CSMD1: variants seen among roughly 807,000 people sequenced by gnomAD.
CSMD1 encodes CUB and sushi domain-containing protein 1.
In CSMD1, 213 loss-of-function variants were observed where a neutral mutation model predicts 417.5. The observed-to-expected ratio is 0.51, with a 90% CI of 0.46 to 0.57. The LOEUF is 0.57. Among genes scored for constraint, CSMD1 ranks in the 20% least tolerant of loss-of-function variants. The pLI is 0.00. For synonymous variants in CSMD1, 2,862 were observed against 1,736.8 expected, an observed-to-expected ratio of 1.65 and a Z score of -16.11; for missense variants, 6,923 against 4,529.7, an observed-to-expected ratio of 1.53 and a Z score of -15.17.
chr8:4,436,924 G>T (rs568119104), intron 2 of CSMD1, among the ~76,000 whole-genome samples: 1 of 152,228 alleles, frequency 6.6e-6, no homozygotes, highest in East Asian at 1.9e-4. Context: ...TCTGTTGATG[G>T]ACACTGAGGT....
chr8:3,116,771 G>C (rs940450500), intron 42 of CSMD1, among the ~76,000 whole-genome samples: 30 of 152,048 alleles, frequency 2.0e-4, no homozygotes, highest in African/African-American at 5.8e-4. Flanking sequence ...TAAATATCAA[G>C]CCAGAGTCTA....
At chr8:3,241,364 T>G (rs79165806) in intron 26 of CSMD1, among the ~76,000 whole-genome samples, 45,434 of 151,534 alleles carry the variant, frequency 0.3, 7,458 homozygotes, top group Non-Finnish European at 0.37. Context: ...GTGGAGTGGG[T>G]AGCCTCCATA....
At chr8:4,134,762 C>G (rs774313753) in intron 3 of CSMD1, among the ~76,000 whole-genome samples, 5 of 152,192 alleles carry the variant, frequency 3.3e-5, no homozygotes, top group Non-Finnish European at 7.3e-5. Flanking sequence ...CAATATACCC[C>G]TTCTGAGCCA....
rs150702668 is a variant in CSMD1 at position 4,157,395 on chromosome 8, A to C, written c.416-125296T>G. Reference sequence around the variant, plus strand: ...TTTATTCACGCCAGCTCAAAGGTTGAATTGAAAATTTTCTATTTTCGTCCT... The same window carrying C: ...TTTATTCACGCCAGCTCAAAGGTTGCATTGAAAATTTTCTATTTTCGTCCT... On this transcript the variant is annotated intron_variant, in intron 3 of 69. Coordinates refer to ENST00000635120, the MANE Select transcript of CSMD1 (RefSeq NM_033225.6). 4.6e-5 allele frequency among the ~76,000 whole-genome samples: 7 copies of C among 152,246 alleles called. No homozygotes were observed. In the East Asian group the frequency reaches 9.7e-4, roughly 21 times the overall value.
At chr8:4,969,230 C>G (rs762682191) in intron 1 of CSMD1, among the ~76,000 whole-genome samples, 4 of 152,022 alleles carry the variant, frequency 2.6e-5, no homozygotes, top group African/African-American at 4.8e-5. Flanking sequence ...GTACAACAAA[C>G]CTAATGCTTA....
chr8:3,474,711 G>A (rs1279122754), intron 11 of CSMD1, among the ~76,000 whole-genome samples: 2 of 152,054 alleles, frequency 1.3e-5, no homozygotes, highest in Non-Finnish European at 2.9e-5. Flanking sequence ...AGTTTCCAAA[G>A]ACCTATTAAT....
At chr8:4,602,574 T>G (rs896557022) in intron 2 of CSMD1, among the ~76,000 whole-genome samples, 2 of 152,208 alleles carry the variant, frequency 1.3e-5, no homozygotes, top group African/African-American at 4.8e-5. Context: ...GTAAAACTCT[T>G]TAACGTGCCT....
intron 37 of CSMD1, among the ~76,000 whole-genome samples, chr8:3,176,002 A>G (rs1398210768): frequency 2.0e-5 from 3 of 152,124 alleles, no homozygotes; most frequent in Non-Finnish European, 4.4e-5. Flanking sequence ...AAACATACCA[A>G]TTAGGTTTAG....
intron 21 of CSMD1, among the ~76,000 whole-genome samples, chr8:3,357,091 C>G (rs71521847): frequency 1.3e-5 from 2 of 151,956 alleles, no homozygotes; most frequent in Non-Finnish European, 2.9e-5. Flanking sequence ...AGCTCTGCAG[C>G]GGCCAGAATC....
chr8:4,043,512 C>A (rs952252797), intron 3 of CSMD1, among the ~76,000 whole-genome samples: 1 of 152,092 alleles, frequency 6.6e-6, no homozygotes, highest in Non-Finnish European at 1.5e-5. Flanking sequence ...TACAAACAGA[C>A]AAATAGATAA....
chr8:3,332,268 TC>T (rs1424560950), intron 23 of CSMD1, among the ~76,000 whole-genome samples: 1 of 152,284 alleles, frequency 6.6e-6, no homozygotes, highest in East Asian at 1.9e-4. Flanking sequence ...GACAATTGTA[TC>T]CTGCCCTCTT....
chr8:4,024,751 G>C (rs1796974901), intron 4 of CSMD1, among the ~76,000 whole-genome samples: 1 of 152,162 alleles, frequency 6.6e-6, no homozygotes, highest in South Asian at 2.1e-4. Flanking sequence ...AGGCCGCTCT[G>C]TGAAGTACGG....
rs371696159 is a variant in CSMD1, at chr8:4,296,696, G to GTTTTT, written c.415+123252_415+123256dup. Among the ~76,000 whole-genome samples, 491 of 114,826 alleles carry GTTTTT rather than the reference G, an allele frequency of 4.3e-3. 10 individuals are homozygous for GTTTTT. Among genetic ancestry groups the GTTTTT allele is most frequent in the African/African-American group, 0.012 (367 of 30,340 alleles). The allele number at this position is 114,826 out of a possible 152,430, so 75.3% of individuals were successfully genotyped here. Reference sequence around the variant, plus strand: ...GGTCCCTGAAAACACGAAAATAAGGGTTTTTTTTTTTTTTTTTTTCTCCAG... The same window carrying GTTTTT: ...GGTCCCTGAAAACACGAAAATAAGGGTTTTTTTTTTTTTTTTTTTTTTTTCTCCAG... On this transcript the variant is annotated intron_variant, in intron 3 of 69. Coordinates refer to ENST00000635120, the MANE Select transcript of CSMD1 (RefSeq NM_033225.6).
At chr8:4,268,707 G>A (rs531619837) in intron 3 of CSMD1, among the ~76,000 whole-genome samples, 2 of 150,924 alleles carry the variant, frequency 1.3e-5, no homozygotes, top group Non-Finnish European at 3.0e-5. Flanking sequence ...AATTTTTTTT[G>A]AAGTAACATA....
intron 6 of CSMD1, among the ~76,000 whole-genome samples, chr8:3,716,588 T>C (rs1383527275): frequency 6.6e-6 from 1 of 152,150 alleles, no homozygotes; most frequent in Non-Finnish European, 1.5e-5. Flanking sequence ...TGCGCCGGCT[T>C]CTTTACTGCA....
At chr8:3,086,084 G>C (rs1304727769) in intron 49 of CSMD1, among the ~76,000 whole-genome samples, 1 of 151,892 alleles carries the variant, frequency 6.6e-6, no homozygotes, top group Non-Finnish European at 1.5e-5. Flanking sequence ...GCTGAAGTTG[G>C]GTCTCTTCAG....
At chr8:2,968,870 T>C (rs1282473280) in intron 57 of CSMD1, among the ~76,000 whole-genome samples, 2 of 152,304 alleles carry the variant, frequency 1.3e-5, no homozygotes, top group Non-Finnish European at 1.5e-5. Context: ...TATGCTTTTA[T>C]AAAAAGTACA....
In CSMD1 at chr8:3,362,190, G is replaced by A. The variant is rs575662494; in HGVS notation, c.3116-2850C>T. Among the ~76,000 whole-genome samples the A allele has an allele frequency of 5.9e-5, 9 of 152,144 alleles. No homozygotes were observed. In the East Asian group the frequency reaches 1.7e-3, roughly 29 times the overall value. Reference sequence around the variant, plus strand: ...AAACAAACTAACAACACCAATCTCTGGACTTCACAGTCACCCAGCCACCAT... The same window carrying A: ...AAACAAACTAACAACACCAATCTCTAGACTTCACAGTCACCCAGCCACCAT... On this transcript the variant is annotated intron_variant, in intron 20 of 69. Transcript: ENST00000635120.
At chr8:4,412,968 G>A (rs1481036455) in intron 3 of CSMD1, among the ~76,000 whole-genome samples, 1 of 152,164 alleles carries the variant, frequency 6.6e-6, no homozygotes, top group Non-Finnish European at 1.5e-5. Context: ...TCAATGGACA[G>A]AAGCCATCTT....
Sources: gnomAD v4.1 joint callset for allele counts (sites outside exome capture counted in the v4.1 genomes callset) on GRCh38, gnomAD v4.1.1 for gene constraint, MANE v1.5 for transcripts, NCBI Gene and HGNC (gene_info 2026-07-23, HGNC 2026-07-21) for gene names.